The following SYNE1 variants were observed in gnomAD, a reference collection of about 807,000 sequenced individuals.
SYNE1 encodes the protein spectrin repeat containing nuclear envelope protein 1.
SYNE1 carries 616 observed loss-of-function variants against 1,111.0 expected under a neutral mutation model. The observed-to-expected ratio is 0.55, with a 90% CI of 0.52 to 0.59. SYNE1 has a LOEUF of 0.59. Among genes scored for constraint, SYNE1 ranks in the 20% least tolerant of loss-of-function variants. The probability of loss-of-function intolerance (pLI) is 0.00; values close to 1 mark genes in which losing one functional copy is unlikely to be tolerated. For synonymous variants in SYNE1, 3,855 were observed against 3,825.8 expected (o/e 1.01, Z -0.28); for missense variants, 10,006 against 10,417.0 (o/e 0.96, Z 1.72).
At chr6:152,452,660 C>G (rs945749844) in intron 25 of SYNE1, among the ~76,000 whole-genome samples, 2 of 152,166 alleles carry the variant, frequency 1.3e-5, no homozygotes, top group Non-Finnish European at 2.9e-5. Context: ...ACACACTCAC[C>G]TAAAGCTAGA....
At chr6:152,410,884 A>G (rs1355053048) in intron 42 of SYNE1, among the ~76,000 whole-genome samples, 2 of 152,258 alleles carry the variant, frequency 1.3e-5, no homozygotes, top group East Asian at 3.8e-4. Context: ...AGAAATAACC[A>G]AAATGTTAAA....
chr6:152,394,868 C>T (rs2097706951), intron 51 of SYNE1, among the ~76,000 whole-genome samples: 1 of 137,848 alleles, frequency 7.3e-6, no homozygotes, highest in South Asian at 2.5e-4. Flanking sequence ...TCACTGCAAC[C>T]TTTGCCTCCC....
In SYNE1 at chr6:152,265,207, G is replaced by GAAAA. The variant is rs36042696; in HGVS notation, c.18815+2845_18815+2848dup. ...GGCAACGCAGCAAGACTCTGTCTCA[G>GAAAA]AAAAAAAAAAAAAAAAAAAGCAATA... On this transcript the variant is annotated intron_variant, in intron 100 of 145. Coordinates refer to ENST00000367255, the MANE Select transcript of SYNE1 (RefSeq NM_182961.4). Among the ~76,000 whole-genome samples, 5 of 87,860 alleles carry GAAAA rather than the reference G, an allele frequency of 5.7e-5. No individual in the cohort carries two copies. The East Asian group carries it at 8.5e-4, about 15-fold the overall frequency. The allele number at this position is 87,860 out of a possible 152,430, so 57.6% of individuals were successfully genotyped here. A position where few individuals can be genotyped will look rare whatever the true frequency, so the allele number is the denominator to read the frequency against.
In SYNE1 at chr6:152,416,667, C is replaced by T. The variant is rs2098160067; in HGVS notation, c.5770G>A (p.Val1924Ile). 8 of 1,614,194 alleles carry T rather than the reference C, an allele frequency of 5.0e-6. No homozygotes were observed. Among genetic ancestry groups the T allele is most frequent in the Non-Finnish European group, 6.8e-6 (8 of 1,180,040 alleles). ...QNAKALESAA[V>I]SLDGILSKAQ... ...TTGGAAAGAATGCCATCCAGACTGACGGCAGCAGATTCTAATGCTTTAGCA... is the reference window on the plus strand; with the variant it reads ...TTGGAAAGAATGCCATCCAGACTGATGGCAGCAGATTCTAATGCTTTAGCA... The change falls in exon 41 of 146, where the codon GTC (valine) becomes ATC (isoleucine). Residue 1924 changes from valine (V) to isoleucine (I), a missense_variant. Coordinates refer to ENST00000367255, the MANE Select transcript of SYNE1 (RefSeq NM_182961.4).
chr6:152,522,197 C>T (rs376135331), intron 5 of SYNE1, among the ~76,000 whole-genome samples: 1 of 151,740 alleles, frequency 6.6e-6, no homozygotes, highest in African/African-American at 2.4e-5. Flanking sequence ...GTTTTTGATC[C>T]CTCACCCCTC....
intron 46 of SYNE1, 36 bp downstream of exon 46, chr6:152,404,177 T>G: frequency 6.8e-7 from 1 of 1,466,928 alleles, no homozygotes; most frequent in Non-Finnish European, 9.5e-7. Flanking sequence ...AATTACAAAA[T>G]GGATGGAAGT....
intron 126 of SYNE1, among the ~76,000 whole-genome samples, chr6:152,204,986 G>A (rs1181153442): frequency 6.6e-6 from 1 of 151,974 alleles, no homozygotes; most frequent in Non-Finnish European, 1.5e-5. Flanking sequence ...AATGAACCTG[G>A]CATATTACAT....
In SYNE1 at chr6:152,353,667, C is replaced by G; in HGVS notation, c.11004G>C (p.Glu3668Asp). 1 of 1,614,200 alleles carries G rather than the reference C, an allele frequency of 6.2e-7. No individual in the cohort carries two copies. Among genetic ancestry groups the G allele is most frequent in the Non-Finnish European group, 8.5e-7 (1 of 1,180,046 alleles). The part of the protein sequence containing the change: ...VGARAQEILD[E>D]SHVNSRMGCQ... ...AACCCATTCTGCTGTTCACGTGGCT[C>G]TCGTCCAGTATCTCCTGAGCTCTAG... is the stretch of plus-strand genomic sequence containing the variant. Residue 3668 changes from glutamate to aspartate, a missense_variant, in exon 68 of 146, where the codon GAG (glutamate) becomes GAC (aspartate). Around this residue, in one of 7 missense-constraint regions of SYNE1, gnomAD observed 4,955 missense variants for 5,017.2 expected, o/e 0.99. Transcript: ENST00000367255.
intron 54 of SYNE1, 94 bp from the exon 55 acceptor site, chr6:152,385,932 T>A (rs2097521131): frequency 3.5e-6 from 4 of 1,140,380 alleles, no homozygotes. Flanking sequence ...TCTTAACACA[T>A]CTCAGAAAAT....
At chr6:152,206,905 G>A (rs911998085) in intron 125 of SYNE1, among the ~76,000 whole-genome samples, 1 of 152,148 alleles carries the variant, frequency 6.6e-6, no homozygotes, top group East Asian at 1.9e-4. Flanking sequence ...GAGGCCAGAC[G>A]ACATCTTGCA....
intron 86 of SYNE1, 25 bp downstream of exon 86, chr6:152,318,056 T>C (rs1354732413): frequency 1.2e-6 from 2 of 1,614,052 alleles, no homozygotes; most frequent in African/African-American, 2.7e-5. Flanking sequence ...TTACACGATT[T>C]GGATTTCTGG....
At chr6:152,242,860 T>C (rs2086081076) in intron 106 of SYNE1, among the ~76,000 whole-genome samples, 1 of 151,890 alleles carries the variant, frequency 6.6e-6, no homozygotes, top group Non-Finnish European at 1.5e-5. Flanking sequence ...AAGGATAAAA[T>C]AAATATTCAA....
At chr6:152,328,221 G>A (rs1450398407) in intron 78 of SYNE1, among the ~76,000 whole-genome samples, 2 of 152,004 alleles carry the variant, frequency 1.3e-5, no homozygotes, top group East Asian at 1.9e-4. Context: ...CCTCCTCCCA[G>A]GCTATAGCTG....
chr6:152,323,747 A>G lies in SYNE1; in HGVS notation c.15658-10T>C. 1.2e-6 allele frequency: 2 copies of G among 1,614,082 alleles called. No homozygotes were observed. The highest frequency in any genetic ancestry group is 1.7e-6 in the Non-Finnish European group (2 of 1,179,990). Reference sequence around the variant, plus strand: ...CAGTGGCCTTTTTAACCTGATGACAAATGTACATACTATGAAGTTCAATAA... The same window carrying G: ...CAGTGGCCTTTTTAACCTGATGACAGATGTACATACTATGAAGTTCAATAA... On this transcript the variant is annotated splice_polypyrimidine_tract_variant and intron_variant, in intron 81 of 145. Coordinates refer to ENST00000367255, the MANE Select transcript of SYNE1 (RefSeq NM_182961.4).
chr6:152,598,898 T>G (rs2099589261), intron 3 of SYNE1, among the ~76,000 whole-genome samples: 1 of 152,188 alleles, frequency 6.6e-6, no homozygotes, highest in Non-Finnish European at 1.5e-5. Context: ...TCCAGATGTT[T>G]TGCTGCTGTT....
chr6:152,258,797 T>C (rs1180693485), intron 101 of SYNE1, among the ~76,000 whole-genome samples: 1 of 150,718 alleles, frequency 6.6e-6, no homozygotes, highest in Non-Finnish European at 1.5e-5. Context: ...CAGGCTGGAG[T>C]GTAGTGGTGC....
In SYNE1 at chr6:152,233,903, T is replaced by A; in HGVS notation, c.20590A>T (p.Asn6864Tyr). 1 of 1,614,190 alleles carries A rather than the reference T, an allele frequency of 6.2e-7. No individual in the cohort carries two copies. The highest frequency in any genetic ancestry group is 8.5e-7 in the Non-Finnish European group (1 of 1,180,036). ...SLKSSVLSTG[N>Y]QLLRLKKVDT... is the part of the protein sequence containing the mutation. ...ACCTTTTTTAGTCGAAGGAGCTGAT[T>A]TCCAGTACTCAGAACAGATGATTTC... The change falls in exon 112 of 146, where the codon AAT (asparagine) becomes TAT (tyrosine). Residue 6864 changes from asparagine (N) to tyrosine (Y), a missense_variant. Physicochemically the swap from Asn to Tyr is moderately radical, Grantham distance 143 (BLOSUM62 -2). This residue lies in a region of SYNE1 where 2,182 missense variants were observed against 2,287.8 expected (regional missense o/e 0.95). Coordinates refer to ENST00000367255, the MANE Select transcript of SYNE1 (RefSeq NM_182961.4).
chr6:152,592,833 A>G (rs1293286812), intron 3 of SYNE1, among the ~76,000 whole-genome samples: 1 of 152,142 alleles, frequency 6.6e-6, no homozygotes, highest in Admixed American at 6.5e-5. Context: ...CACACCTTAT[A>G]TAATCATCTG....
intron 3 of SYNE1, among the ~76,000 whole-genome samples, chr6:152,572,954 A>G (rs1380795581): frequency 6.6e-6 from 1 of 152,188 alleles, no homozygotes; most frequent in Non-Finnish European, 1.5e-5. Context: ...TTAGGAATGT[A>G]AACACCTTCT....
Sources: gnomAD v4.1 joint callset for allele counts (sites outside exome capture counted in the v4.1 genomes callset) on GRCh38, gnomAD v4.1.1 for gene constraint, gnomAD v4.1.1 regional missense constraint, MANE v1.5 for transcripts, NCBI Gene and HGNC (gene_info 2026-07-23, HGNC 2026-07-21) for gene names.